The following HRH4 variants were observed in gnomAD, a reference collection of about 807,000 sequenced individuals.
HRH4 encodes histamine H4 receptor.
A neutral mutation model predicts 10.4 loss-of-function variants in HRH4; 12 were observed. The observed-to-expected ratio is 1.15, with a 90% CI of 0.74 to 1.87. The LOEUF (loss-of-function observed/expected upper bound fraction) is 1.87, where lower values mean the gene tolerates loss of function less well. HRH4 is among the 40% of genes most tolerant of loss of function. The pLI, the probability that HRH4 is intolerant of heterozygous loss-of-function variation, is 0.00. For missense variants in HRH4, 415 were observed against 453.3 expected (o/e 0.92, Z 0.77); for synonymous variants, 154 against 166.6 (o/e 0.92, Z 0.58).
At chr18:24,464,371 A>G (rs1232991645) in intron 1 of HRH4, among the ~76,000 whole-genome samples, 1 of 152,150 alleles carries the variant, frequency 6.6e-6, no homozygotes, top group Non-Finnish European at 1.5e-5. Flanking sequence ...TTATAAGCAC[A>G]CTATTGGATC....
intron 2 of HRH4, among the ~76,000 whole-genome samples, chr18:24,474,520 AT>A (rs1258044400): frequency 5.9e-5 from 9 of 152,180 alleles, no homozygotes; most frequent in Non-Finnish European, 1.3e-4. Context: ...CCTTTAAACC[AT>A]GAGAAACCAT....
At chr18:24,471,017 G>A (rs970094889) in intron 2 of HRH4, among the ~76,000 whole-genome samples, 29 of 151,314 alleles carry the variant, frequency 1.9e-4, no homozygotes, top group African/African-American at 6.3e-4. Context: ...GTCCCATCTC[G>A]CCACAAAGGA....
chr18:24,464,780 A>G (rs868374574), intron 1 of HRH4, among the ~76,000 whole-genome samples: 1 of 152,164 alleles, frequency 6.6e-6, no homozygotes, highest in Admixed American at 6.5e-5. Context: ...CAGTAAAAAT[A>G]CACGTGAAAA....
intron 1 of HRH4, among the ~76,000 whole-genome samples, chr18:24,467,513 G>A (rs1909808673): frequency 6.6e-6 from 1 of 152,132 alleles, no homozygotes; most frequent in Non-Finnish European, 1.5e-5. Flanking sequence ...AGTGAAAAAT[G>A]AGAAAGAAGT....
At position 24,478,917 on chromosome 18, in the gene HRH4, A is replaced by AT. The variant is rs940409935; in HGVS notation, c.*1360dup. 6.6e-6 allele frequency: 1 copy of AT among 152,022 alleles called. No individual in the cohort carries two copies. Among genetic ancestry groups the AT allele is most frequent in the African/African-American group, 2.4e-5 (1 of 41,386 alleles). 9.4% of individuals were successfully genotyped at this position (152,022 alleles called of 1,614,324 possible). On this transcript the variant is annotated 3_prime_UTR_variant, in exon 3 of 3. Transcript: ENST00000256906. The stretch of plus-strand genomic sequence containing the variant: ...TGTCAATAATTATTTTTTAAAAAAA[A>AT]TTTTTAAAAAGGTTTTTTGAGACAG...
chr18:24,463,405 A>G (rs2144364910), intron 1 of HRH4, among the ~76,000 whole-genome samples: 1 of 152,276 alleles, frequency 6.6e-6, no homozygotes, highest in Middle Eastern at 3.4e-3. Context: ...GCTCACCATG[A>G]CACAGTCCCT....
At chr18:24,470,519 TTG>T (rs1491521499) in intron 2 of HRH4, among the ~76,000 whole-genome samples, 3 of 135,984 alleles carry the variant, frequency 2.2e-5, no homozygotes, top group African/African-American at 8.7e-5. Flanking sequence ...TTTTTTTTTT[TTG>T]GAGACAGGGT....
In HRH4 at chr18:24,477,480, G is replaced by A. The variant is rs149820026; in HGVS notation, c.1091G>A (p.Arg364His). 3.2e-5 allele frequency: 51 copies of A among 1,611,910 alleles called. No homozygotes were observed. Among genetic ancestry groups the A allele is most frequent in the Admixed American group, 5.0e-5 (3 of 59,468 alleles). ...NPLLYPLCHK[R>H]FQKAFLKIFC... is the part of the protein sequence containing the mutation. ...CTTTTGTATCCATTGTGTCACAAGC[G>A]CTTTCAAAAGGCTTTCTTGAAAATA... The change falls in exon 3 of 3, where the codon CGC becomes CAC. Residue 364 changes from arginine to histidine, a missense_variant. Physicochemically the swap from Arg to His is conservative, Grantham distance 29. Transcript: ENST00000256906.
intron 1 of HRH4, among the ~76,000 whole-genome samples, chr18:24,467,215 A>G (rs1909800397): frequency 6.6e-6 from 1 of 152,266 alleles, no homozygotes; most frequent in African/African-American, 2.4e-5. Context: ...AGGGTCTGCC[A>G]TATGGTAATT....
intron 2 of HRH4, among the ~76,000 whole-genome samples, chr18:24,475,881 A>C (rs1435183476): frequency 6.6e-6 from 1 of 152,050 alleles, no homozygotes; most frequent in African/African-American, 2.4e-5. Context: ...GGTGGTGGGT[A>C]TCTGTAATCC....
intron 1 of HRH4, among the ~76,000 whole-genome samples, chr18:24,461,514 G>T (rs1030814661): frequency 6.6e-6 from 1 of 151,928 alleles, no homozygotes; most frequent in Non-Finnish European, 1.5e-5. Context: ...CTGAAAACAC[G>T]CACTTTATAA....
chr18:24,475,638 GAACA>G (rs1000704422), intron 2 of HRH4, among the ~76,000 whole-genome samples: 1 of 152,026 alleles, frequency 6.6e-6, no homozygotes, highest in Non-Finnish European at 1.5e-5. Flanking sequence ...ACAAACAAAT[GAACA>G]AACAAACAAA....
At chr18:24,476,699 A>C (rs771842464) in intron 2 of HRH4, 48 bp from the exon 3 acceptor site, 7 of 1,375,506 alleles carry the variant, frequency 5.1e-6, no homozygotes, top group South Asian at 1.2e-5. Flanking sequence ...TACTTTATGC[A>C]TTCAACATAC....
At chr18:24,470,969 T>G (rs1299897177) in intron 2 of HRH4, among the ~76,000 whole-genome samples, 1 of 150,486 alleles carries the variant, frequency 6.6e-6, no homozygotes, top group East Asian at 2.0e-4. Context: ...CACACAGTCA[T>G]TTCCGCTTAC....
In HRH4 at chr18:24,463,952, C is replaced by T. The variant is rs114970428; in HGVS notation, c.193+3031C>T. On this transcript the variant is annotated intron_variant, in intron 1 of 2. Coordinates refer to ENST00000256906, the MANE Select transcript of HRH4 (RefSeq NM_021624.4). ...ATTTGTGGGTACTTTCTTCTCATCC[C>T]CATGTTGTGTTGGCGTTTGTGGCCT... 7.4e-3 allele frequency among the ~76,000 whole-genome samples: 1,131 copies of T among 152,256 alleles called. 15 individuals are homozygous for T. The highest frequency in any genetic ancestry group is 0.025 in the African/African-American group (1,057 of 41,534).
intron 1 of HRH4, among the ~76,000 whole-genome samples, chr18:24,461,458 G>A (rs1568094631): frequency 6.6e-6 from 1 of 152,024 alleles, no homozygotes; most frequent in Non-Finnish European, 1.5e-5. Context: ...TGATATCATA[G>A]CATTATATCA....
At chr18:24,474,847 G>A (rs902562712) in intron 2 of HRH4, among the ~76,000 whole-genome samples, 1 of 151,956 alleles carries the variant, frequency 6.6e-6, no homozygotes, top group African/African-American at 2.4e-5. Flanking sequence ...CACCATGCCA[G>A]GCTAATTTTT....
chr18:24,462,042 C>T (rs149455017), intron 1 of HRH4, among the ~76,000 whole-genome samples: 63 of 152,086 alleles, frequency 4.1e-4, no homozygotes, highest in African/African-American at 1.4e-3. Context: ...GGATAAAGCA[C>T]GTTTAGTTAG....
Position 24,467,666 on chromosome 18 carries a change from C to G in HRH4, c.194-1122C>G, listed in dbSNP as rs574233908. 3.3e-5 allele frequency among the ~76,000 whole-genome samples: 5 copies of G among 152,276 alleles called. No individual in the cohort carries two copies. In the East Asian group the frequency reaches 9.7e-4, roughly 29 times the overall value. Reference sequence around the variant, plus strand: ...TCAAGCGGTTCTCTTGCCTCAGCCTCCTGAATAACTGGGATTACAGGCGTG... The same window carrying G: ...TCAAGCGGTTCTCTTGCCTCAGCCTGCTGAATAACTGGGATTACAGGCGTG... On this transcript the variant is annotated intron_variant, in intron 1 of 2. Coordinates refer to ENST00000256906, the MANE Select transcript of HRH4 (RefSeq NM_021624.4).
Sources: gnomAD v4.1 joint callset for allele counts (sites outside exome capture counted in the v4.1 genomes callset) on GRCh38, gnomAD v4.1.1 for gene constraint, MANE v1.5 for transcripts, NCBI Gene and HGNC (gene_info 2026-07-23, HGNC 2026-07-21) for gene names.